CTNND2: variants seen among roughly 807,000 people sequenced by gnomAD.
CTNND2 encodes the protein catenin delta 2, also known as catenin delta-2.
A neutral mutation model predicts 144.4 loss-of-function variants in CTNND2; 22 were observed. The observed-to-expected ratio is 0.15, with a 90% CI of 0.11 to 0.22. CTNND2 has a LOEUF of 0.22. Among genes scored for constraint, CTNND2 ranks in the 10% least tolerant of loss-of-function variants. CTNND2 has a pLI of 1.00. For missense variants in CTNND2, 1,353 were observed against 1,618.8 expected (o/e 0.84, Z 2.82); for synonymous variants, 751 against 695.6 (o/e 1.08, Z -1.25).
intron 5 of CTNND2, among the ~76,000 whole-genome samples, chr5:11,408,769 A>G (rs950439603): frequency 1.3e-4 from 20 of 152,268 alleles, no homozygotes; most frequent in African/African-American, 4.8e-4. Context: ...CAGGCAAACT[A>G]AAGTGAAAGC....
intron 21 of CTNND2, among the ~76,000 whole-genome samples, chr5:10,974,836 T>A (rs1561103798): frequency 6.6e-6 from 1 of 152,210 alleles, no homozygotes; most frequent in Non-Finnish European, 1.5e-5. Context: ...TGTGTGTAAA[T>A]GAATGCTTTT....
chr5:11,046,399 T>C (rs1745259973), intron 16 of CTNND2, among the ~76,000 whole-genome samples: 1 of 152,198 alleles, frequency 6.6e-6, no homozygotes, highest in Non-Finnish European at 1.5e-5. Context: ...AGATTGTCCC[T>C]CACAGCCTTC....
chr5:11,596,508 G>T (rs1779509569), intron 2 of CTNND2, among the ~76,000 whole-genome samples: 1 of 152,134 alleles, frequency 6.6e-6, no homozygotes, highest in African/African-American at 2.4e-5. Context: ...TAGCCAAAGA[G>T]ACTACTTTAA....
intron 2 of CTNND2, among the ~76,000 whole-genome samples, chr5:11,591,870 C>T (rs576592578): frequency 6.6e-6 from 1 of 152,096 alleles, no homozygotes; most frequent in African/African-American, 2.4e-5. Flanking sequence ...ATTATGGCAA[C>T]CTTTTCTTGG....
chr5:11,384,568 AGCGC>A lies in CTNND2; in HGVS notation c.1177+93_1177+96del, dbSNP rs964520538. ...CTGCAACTACTACAACCTGGCAGAC[AGCGC>A]GCCCGGCTTCGCTTCTGCTCAAGCC... On this transcript the variant is annotated intron_variant, in intron 7 of 21. Transcript: ENST00000304623. This position sits in a 1 kb window ranked among gnomAD's most constrained non-coding sequence, Gnocchi z 5.2. 6 of 1,170,864 alleles carry A rather than the reference AGCGC, an allele frequency of 5.1e-6. No homozygotes were observed. The highest frequency in any genetic ancestry group is 7.0e-6 in the Non-Finnish European group (6 of 851,318). 72.5% of individuals were successfully genotyped at this position (1,170,864 alleles called of 1,614,324 possible).
At chr5:11,383,694 T>C (rs891948192) in intron 7 of CTNND2, among the ~76,000 whole-genome samples, 1 of 152,260 alleles carries the variant, frequency 6.6e-6, no homozygotes, top group African/African-American at 2.4e-5. Flanking sequence ...CAGTCATCTA[T>C]TTGTGTCAAG....
chr5:11,644,367 G>A (rs1350805342), intron 2 of CTNND2, among the ~76,000 whole-genome samples: 1 of 152,180 alleles, frequency 6.6e-6, no homozygotes, highest in Non-Finnish European at 1.5e-5. Context: ...TAAGAGTTAA[G>A]TCCTGTAAAT....
chr5:11,792,524 C>T (rs919629412), intron 1 of CTNND2, among the ~76,000 whole-genome samples: 3 of 152,194 alleles, frequency 2.0e-5, no homozygotes, highest in Non-Finnish European at 4.4e-5. Context: ...TCCTGAGATG[C>T]TCCTTCCCCA....
chr5:11,681,888 T>C (rs1224642890), intron 2 of CTNND2, among the ~76,000 whole-genome samples: 1 of 152,208 alleles, frequency 6.6e-6, no homozygotes, highest in Non-Finnish European at 1.5e-5. Flanking sequence ...GTGGTCACCA[T>C]TTGAAGTAAT....
At chr5:11,587,729 C>CT (rs1013278371) in intron 2 of CTNND2, among the ~76,000 whole-genome samples, 5 of 151,990 alleles carry the variant, frequency 3.3e-5, no homozygotes, top group Admixed American at 6.6e-5. Flanking sequence ...TACTTAAGGA[C>CT]TTTTTTATAA....
intron 11 of CTNND2, among the ~76,000 whole-genome samples, chr5:11,190,172 G>T (rs1257678719): frequency 1.3e-5 from 2 of 152,176 alleles, no homozygotes; most frequent in Non-Finnish European, 2.9e-5. Flanking sequence ...GCAATGTACT[G>T]GGAAGGATTC....
At chr5:11,422,047 A>G (rs1270328029) in intron 3 of CTNND2, among the ~76,000 whole-genome samples, 1 of 152,214 alleles carries the variant, frequency 6.6e-6, no homozygotes, top group Non-Finnish European at 1.5e-5. Flanking sequence ...AAGTTAAGCT[A>G]TCATTACCAC....
intron 5 of CTNND2, among the ~76,000 whole-genome samples, chr5:11,406,414 C>T (rs1761109717): frequency 6.6e-6 from 1 of 151,996 alleles, no homozygotes; most frequent in East Asian, 1.9e-4. Context: ...ATTTTTTGAG[C>T]CAATTTGATT....
intron 2 of CTNND2, among the ~76,000 whole-genome samples, chr5:11,703,229 AT>A (rs1392593837): frequency 6.6e-6 from 1 of 152,238 alleles, no homozygotes. Flanking sequence ...ATAGTTGGCA[AT>A]TAATTTTTAA....
intron 2 of CTNND2, among the ~76,000 whole-genome samples, chr5:11,708,638 A>T (rs1396355061): frequency 6.6e-6 from 1 of 152,094 alleles, no homozygotes; most frequent in Non-Finnish European, 1.5e-5. Context: ...AGTGTGGCTC[A>T]AGTACGATGA....
intron 2 of CTNND2, among the ~76,000 whole-genome samples, chr5:11,683,586 C>T (rs1416794017): frequency 6.6e-6 from 1 of 152,178 alleles, no homozygotes; most frequent in Non-Finnish European, 1.5e-5. Context: ...TGGTACTTTG[C>T]CAATAATTAG....
chr5:10,999,525 C>T (rs549790026), intron 18 of CTNND2, among the ~76,000 whole-genome samples: 11 of 152,140 alleles, frequency 7.2e-5, no homozygotes, highest in African/African-American at 2.7e-4. Context: ...CGGGGAAGGG[C>T]CATGAATCCT....
chr5:11,235,881 CT>C (rs1224760482), intron 10 of CTNND2, among the ~76,000 whole-genome samples: 2 of 152,202 alleles, frequency 1.3e-5, no homozygotes, highest in Non-Finnish European at 2.9e-5. Flanking sequence ...TCAAATCTCT[CT>C]TTCCACTCTT....
intron 3 of CTNND2, among the ~76,000 whole-genome samples, chr5:11,463,508 T>G (rs1236866513): frequency 6.6e-6 from 1 of 152,148 alleles, no homozygotes; most frequent in Non-Finnish European, 1.5e-5. Context: ...CCAGGACCCT[T>G]GTTTGTGGCT....
Sources: gnomAD v4.1 joint callset for allele counts (sites outside exome capture counted in the v4.1 genomes callset) on GRCh38, gnomAD v4.1.1 for gene constraint, Gnocchi (gnomAD v3.1) non-coding constraint, MANE v1.5 for transcripts, NCBI Gene and HGNC (gene_info 2026-07-23, HGNC 2026-07-21) for gene names.